PLD1: variants seen among roughly 807,000 people sequenced by gnomAD.
PLD1 encodes the protein choline phosphatase 1.
A neutral mutation model predicts 137.1 loss-of-function variants in PLD1; 112 were observed. The ratio of observed to expected loss-of-function variants is 0.82; its 90% confidence interval spans 0.70 to 0.96. The LOEUF (loss-of-function observed/expected upper bound fraction) is 0.96. Ranked by LOEUF, PLD1 falls within the 40% of genes least tolerant of loss-of-function variation. PLD1 has a pLI of 0.00. For synonymous variants in PLD1, 431 were observed against 454.7 expected, an observed-to-expected ratio of 0.95 and a Z score of 0.66; for missense variants, 1,321 against 1,342.0, an observed-to-expected ratio of 0.98 and a Z score of 0.24.
intron 1 of PLD1, among the ~76,000 whole-genome samples, chr3:171,773,726 A>G (rs909392088): frequency 3.3e-5 from 5 of 150,942 alleles, no homozygotes; most frequent in African/African-American, 1.2e-4. Flanking sequence ...AAACATTACC[A>G]CTCTATTATT....
chr3:171,742,936 T>C (rs1719886056), intron 1 of PLD1, among the ~76,000 whole-genome samples: 1 of 152,254 alleles, frequency 6.6e-6, no homozygotes, highest in Non-Finnish European at 1.5e-5. Context: ...TACTTGGATC[T>C]TTGACTTTTT....
At chr3:171,769,601 C>T (rs1450891441) in intron 1 of PLD1, among the ~76,000 whole-genome samples, 1 of 152,156 alleles carries the variant, frequency 6.6e-6, no homozygotes, top group Non-Finnish European at 1.5e-5. Flanking sequence ...GGGGCAATAA[C>T]ACAGCTGTAC....
At chr3:171,804,810 G>C (rs1025541057) in intron 1 of PLD1, among the ~76,000 whole-genome samples, 8 of 152,354 alleles carry the variant, frequency 5.3e-5, no homozygotes, top group African/African-American at 1.9e-4. Context: ...CTGCTTATGA[G>C]ATTTTGAAGG....
chr3:171,609,241 C>A (rs112224173), intron 25 of PLD1, among the ~76,000 whole-genome samples: 11,873 of 152,014 alleles, frequency 0.078, 1,314 homozygotes, highest in African/African-American at 0.25. Context: ...AAAACAACAG[C>A]TGTTGGTGAG....
intron 8 of PLD1, among the ~76,000 whole-genome samples, chr3:171,719,103 C>T (rs1162052874): frequency 6.6e-6 from 1 of 152,106 alleles, no homozygotes; most frequent in East Asian, 1.9e-4. Flanking sequence ...CTTCTTTGGG[C>T]TCTATCGTTG....
At chr3:171,716,454 C>T (rs1578343590) in intron 8 of PLD1, among the ~76,000 whole-genome samples, 1 of 152,116 alleles carries the variant, frequency 6.6e-6, no homozygotes. Context: ...GAGATGATAT[C>T]TCATTGTGGT....
chr3:171,688,611 A>G, intron 14 of PLD1, 65 bp downstream of exon 14: 1 of 1,193,680 alleles, frequency 8.4e-7, no homozygotes, highest in Non-Finnish European at 1.3e-6. Context: ...CAGTCATGCT[A>G]CTAATACAAA....
chr3:171,706,784 A>T (rs1027637188), intron 11 of PLD1, among the ~76,000 whole-genome samples: 7 of 152,202 alleles, frequency 4.6e-5, no homozygotes, highest in Admixed American at 4.6e-4. Flanking sequence ...TTTTATTTCT[A>T]ATGATGTGTT....
At chr3:171,730,887 C>A (rs1433951100) in intron 6 of PLD1, among the ~76,000 whole-genome samples, 1 of 152,194 alleles carries the variant, frequency 6.6e-6, no homozygotes, top group East Asian at 1.9e-4. Context: ...TATCCACCTG[C>A]CTTGGCCTCC....
chr3:171,754,445 G>T (rs527670052), intron 1 of PLD1, among the ~76,000 whole-genome samples: 1 of 152,260 alleles, frequency 6.6e-6, no homozygotes, highest in South Asian at 2.1e-4. Context: ...GTCATACTGT[G>T]AAACTGTTGG....
chr3:171,758,245 T>C (rs955732951), intron 1 of PLD1, among the ~76,000 whole-genome samples: 1 of 152,208 alleles, frequency 6.6e-6, no homozygotes. Context: ...AACTGAGGTT[T>C]AGAGGGATTG....
intron 1 of PLD1, chr3:171,765,002 GAAA>G (rs1560290150): frequency 3.0e-4 from 44 of 145,240 alleles, no homozygotes; most frequent in African/African-American, 9.9e-4. Context: ...AAGAAAGAAA[GAAA>G]GAGAAAAAGA....
intron 23 of PLD1, among the ~76,000 whole-genome samples, chr3:171,628,862 C>A (rs530075370): frequency 6.6e-6 from 1 of 152,214 alleles, no homozygotes; most frequent in Non-Finnish European, 1.5e-5. Flanking sequence ...GGACATATCT[C>A]AAAATAAAAA....
chr3:171,689,767 G>A (rs1450950424), intron 13 of PLD1, among the ~76,000 whole-genome samples: 1 of 152,138 alleles, frequency 6.6e-6, no homozygotes, highest in Non-Finnish European at 1.5e-5. Context: ...TTCCCAAAGC[G>A]CTGGGACTAC....
In PLD1 at chr3:171,620,356, A is replaced by G. The variant is rs140034019; in HGVS notation, c.2728+30T>C. ...CATGGGGTAAGTCAACTGGCAAGGA[A>G]TACAATTATAGACCATATACTGTAC... On this transcript the variant is annotated intron_variant, in intron 24 of 26. Coordinates refer to ENST00000351298, the MANE Select transcript of PLD1 (RefSeq NM_002662.5). The G allele has an allele frequency of 4.7e-4, 700 of 1,484,642 alleles. 3 individuals carry two copies. In the African/African-American group the frequency reaches 6.5e-3, roughly 14 times the overall value. 92.0% of individuals were successfully genotyped at this position (1,484,642 alleles called of 1,614,324 possible).
At chr3:171,724,928 C>A in intron 7 of PLD1, 140 bp from the exon 8 acceptor site, 1 of 664,986 alleles carries the variant, frequency 1.5e-6, no homozygotes, top group Admixed American at 2.1e-5. Context: ...TCGCTCTCAA[C>A]TAGCTCAGTG....
chr3:171,621,674 A>T (rs974330071), intron 23 of PLD1, among the ~76,000 whole-genome samples: 2 of 152,172 alleles, frequency 1.3e-5, no homozygotes, highest in African/African-American at 4.8e-5. Flanking sequence ...ATGAGAGTTG[A>T]AATGTTGGTA....
intron 24 of PLD1, among the ~76,000 whole-genome samples, chr3:171,616,991 G>T (rs1335322183): frequency 6.6e-6 from 1 of 152,042 alleles, no homozygotes; most frequent in Admixed American, 6.6e-5. Flanking sequence ...TTTGCCTCCA[G>T]GTCAGAAGTT....
intron 16 of PLD1, among the ~76,000 whole-genome samples, chr3:171,683,401 C>T (rs1714212705): frequency 6.6e-6 from 1 of 152,136 alleles, no homozygotes; most frequent in Non-Finnish European, 1.5e-5. Context: ...ATAACCCACC[C>T]CAGCCCACCT....
Sources: gnomAD v4.1 joint callset for allele counts (sites outside exome capture counted in the v4.1 genomes callset) on GRCh38, gnomAD v4.1.1 for gene constraint, MANE v1.5 for transcripts, NCBI Gene and HGNC (gene_info 2026-07-23, HGNC 2026-07-21) for gene names.